Variants in L3MBTL4 observed in about 807,000 individuals in gnomAD.
The protein encoded by L3MBTL4 is L3MBTL histone methyl-lysine binding protein 4, also known as lethal(3)malignant brain tumor-like protein 4.
In L3MBTL4, 70 loss-of-function variants were observed where a neutral mutation model predicts 84.5. That is an observed-to-expected ratio of 0.83 (90% CI 0.68 to 1.01). L3MBTL4 has a LOEUF of 1.01. L3MBTL4 is among the 50% of genes least tolerant of loss of function. L3MBTL4 has a pLI of 0.00. For synonymous variants in L3MBTL4, 274 were observed against 259.8 expected (o/e 1.05, Z -0.52); for missense variants, 715 against 754.8 (o/e 0.95, Z 0.62).
At chr18:6,342,803 A>T (rs967787977) in intron 1 of L3MBTL4, among the ~76,000 whole-genome samples, 13 of 100,042 alleles carry the variant, frequency 1.3e-4, no homozygotes, top group African/African-American at 3.5e-4. Flanking sequence ...AATTTTTTTT[A>T]AAAAAAGATC....
chr18:6,043,954 C>T (rs1291639818), intron 16 of L3MBTL4, among the ~76,000 whole-genome samples: 1 of 152,188 alleles, frequency 6.6e-6, no homozygotes, highest in Non-Finnish European at 1.5e-5. Context: ...GACCTCACTA[C>T]AGTTTGGTTG....
chr18:6,159,732 T>C lies in L3MBTL4; in HGVS notation c.1096+12096A>G, dbSNP rs2144973795. On this transcript the variant is annotated intron_variant, in intron 13 of 18. Coordinates refer to ENST00000317931, the MANE Select transcript of L3MBTL4 (RefSeq NM_001330559.2). ...ACCAGCCCTTGTCGCGGCACCTCAG[T>C]TTTTTGTCATTTCATAACAAACACT... 1.3e-5 allele frequency among the ~76,000 whole-genome samples: 2 copies of C among 152,042 alleles called. 1 individual carries two copies. The highest frequency in any genetic ancestry group is 4.2e-4 in the South Asian group (2 of 4,816).
At chr18:6,122,727 T>C (rs1480967773) in intron 14 of L3MBTL4, among the ~76,000 whole-genome samples, 2 of 152,232 alleles carry the variant, frequency 1.3e-5, no homozygotes, top group African/African-American at 4.8e-5. Flanking sequence ...AAAAGGAAGA[T>C]TGGCCAAGGC....
chr18:6,068,833 C>T (rs112358400), intron 16 of L3MBTL4, among the ~76,000 whole-genome samples: 301 of 152,284 alleles, frequency 2.0e-3, no homozygotes, highest in Non-Finnish European at 3.4e-3. Context: ...CTATAAGAAA[C>T]GTCCCACTAG....
At chr18:6,384,516 CAAAT>C (rs1193435715) in intron 1 of L3MBTL4, among the ~76,000 whole-genome samples, 4 of 152,274 alleles carry the variant, frequency 2.6e-5, no homozygotes, top group African/African-American at 7.2e-5. Flanking sequence ...TTTTGAAAAA[CAAAT>C]AAACTTATAA....
chr18:6,359,596 A>C (rs1033721621), intron 1 of L3MBTL4, among the ~76,000 whole-genome samples: 3 of 152,234 alleles, frequency 2.0e-5, no homozygotes, highest in Admixed American at 2.0e-4. Context: ...CTAAAAAAAA[A>C]ATTCTAAAGC....
chr18:6,271,063 T>C (rs1230517794), intron 4 of L3MBTL4, among the ~76,000 whole-genome samples: 1 of 152,138 alleles, frequency 6.6e-6, no homozygotes, highest in Non-Finnish European at 1.5e-5. Context: ...AGGGGAACGG[T>C]GAAATGAATG....
At chr18:6,184,665 T>C (rs539127447) in intron 12 of L3MBTL4, among the ~76,000 whole-genome samples, 4 of 152,334 alleles carry the variant, frequency 2.6e-5, no homozygotes, top group East Asian at 1.9e-4. Flanking sequence ...ATGACTAAGA[T>C]GTAGTGGGTA....
chr18:6,370,507 C>T (rs1458809865), intron 1 of L3MBTL4, among the ~76,000 whole-genome samples: 11 of 152,190 alleles, frequency 7.2e-5, no homozygotes, highest in Non-Finnish European at 4.4e-5. Context: ...CCACGCCTCC[C>T]GTTCAGCACA....
chr18:5,956,169 AT>A lies in L3MBTL4; in HGVS notation c.*50del. On this transcript the variant is annotated 3_prime_UTR_variant, in exon 19 of 19. Transcript: ENST00000317931. Reference sequence around the variant, plus strand: ...CATCAAATTAATGTGCTCCACTTTTATTGCTGAAAGAGCGCAGGTCTTGGTG... The same window carrying A: ...CATCAAATTAATGTGCTCCACTTTTATGCTGAAAGAGCGCAGGTCTTGGTG... The A allele has an allele frequency of 6.7e-7, 1 of 1,493,630 alleles. No individual in the cohort carries two copies. Among genetic ancestry groups the A allele is most frequent in the Non-Finnish European group, 9.2e-7 (1 of 1,085,246 alleles). 92.5% of individuals were successfully genotyped at this position (1,493,630 alleles called of 1,614,324 possible). A position where few individuals can be genotyped will look rare whatever the true frequency, so the allele number is the denominator to read the frequency against.
At position 6,151,713 on chromosome 18, in the gene L3MBTL4, T is replaced by C. The variant is rs957609263; in HGVS notation, c.1097-13417A>G. 1.2e-4 allele frequency among the ~76,000 whole-genome samples: 18 copies of C among 152,248 alleles called. 1 individual carries two copies. The highest frequency in any genetic ancestry group is 3.4e-3 in the Middle Eastern group (1 of 294). Reference sequence around the variant, plus strand: ...CCCAGACTAATTTTAAAATATGTAATTGACAAAGATAATATATATTCAAGA... The same window carrying C: ...CCCAGACTAATTTTAAAATATGTAACTGACAAAGATAATATATATTCAAGA... On this transcript the variant is annotated intron_variant, in intron 13 of 18. Transcript: ENST00000317931.
At chr18:6,135,639 T>C (rs2060007782) in intron 14 of L3MBTL4, among the ~76,000 whole-genome samples, 1 of 152,188 alleles carries the variant, frequency 6.6e-6, no homozygotes, top group Non-Finnish European at 1.5e-5. Context: ...AGAGTCACCT[T>C]TGCTCCAGTT....
intron 16 of L3MBTL4, among the ~76,000 whole-genome samples, chr18:5,999,148 T>C (rs1318311391): frequency 2.0e-5 from 3 of 152,204 alleles, no homozygotes; most frequent in Non-Finnish European, 4.4e-5. Context: ...TGCAGCCAGA[T>C]AGCCACAGAG....
In L3MBTL4 at chr18:5,976,497, ACT is replaced by A. The variant is rs138425095; in HGVS notation, c.1445-6937_1445-6936del. Among the ~76,000 whole-genome samples, 1,337 of 152,054 alleles carry A rather than the reference ACT, an allele frequency of 8.8e-3. 20 individuals carry two copies. Among genetic ancestry groups the A allele is most frequent in the African/African-American group, 0.031 (1,277 of 41,484 alleles). On this transcript the variant is annotated intron_variant, in intron 16 of 18. Transcript: ENST00000317931. ...TGGGTGGCTGGATCCAATTAACATG[ACT>A]CTTGTGGAGTAATGATAACAGGGCT...
chr18:6,278,148 G>A (rs900067889), intron 4 of L3MBTL4, among the ~76,000 whole-genome samples: 1 of 152,026 alleles, frequency 6.6e-6, no homozygotes, highest in African/African-American at 2.4e-5. Context: ...GAATATTAAT[G>A]ATGATAGTGG....
chr18:6,300,382 A>C (rs2050286719), intron 4 of L3MBTL4, among the ~76,000 whole-genome samples: 1 of 152,212 alleles, frequency 6.6e-6, no homozygotes, highest in Non-Finnish European at 1.5e-5. Context: ...AGATTTAAAG[A>C]AGAGTCAGCC....
intron 12 of L3MBTL4, among the ~76,000 whole-genome samples, chr18:6,180,119 C>A (rs186457160): frequency 2.6e-5 from 4 of 152,204 alleles, no homozygotes; most frequent in Non-Finnish European, 1.5e-5. Flanking sequence ...ATATAACTGA[C>A]TAAATGAGGG....
intron 1 of L3MBTL4, among the ~76,000 whole-genome samples, chr18:6,336,489 C>T (rs1466071343): frequency 6.6e-6 from 1 of 152,126 alleles, no homozygotes; most frequent in Admixed American, 6.5e-5. Flanking sequence ...CTACCAGTCA[C>T]ATAGTACTAT....
chr18:6,199,362 G>T (rs1047859838), intron 12 of L3MBTL4, among the ~76,000 whole-genome samples: 1 of 152,144 alleles, frequency 6.6e-6, no homozygotes, highest in Admixed American at 6.5e-5. Context: ...CTGAAATGAA[G>T]ACTCCAGGTC....
Sources: allele counts gnomAD v4.1 joint callset (sites outside exome capture counted in the v4.1 genomes callset), GRCh38; gene constraint gnomAD v4.1.1; transcripts MANE v1.5; gene names NCBI Gene and HGNC (gene_info 2026-07-23, HGNC 2026-07-21).